Variants in MYO9A observed in about 807,000 individuals in gnomAD.
MYO9A encodes the protein unconventional myosin-IXa.
MYO9A carries 103 observed loss-of-function variants against 293.3 expected under a neutral mutation model. The observed-to-expected ratio is 0.35, with a 90% confidence interval of 0.30 to 0.41. MYO9A has a LOEUF of 0.41. MYO9A is among the 10% of genes least tolerant of loss of function. MYO9A has a pLI of 1.00. For missense variants in MYO9A, 2,685 were observed against 3,033.0 expected (o/e 0.89, Z 2.69); for synonymous variants, 1,001 against 1,035.7 (o/e 0.97, Z 0.64).
intron 11 of MYO9A, among the ~76,000 whole-genome samples, chr15:71,984,951 ACT>A (rs2076371454): frequency 6.6e-6 from 1 of 151,908 alleles, no homozygotes. Context: ...ACGCAATCTC[ACT>A]CTGTCACTCA....
chr15:71,985,645 A>C (rs2076390127), intron 11 of MYO9A, among the ~76,000 whole-genome samples: 2 of 152,208 alleles, frequency 1.3e-5, no homozygotes, highest in African/African-American at 2.4e-5. Flanking sequence ...AATCAGAAAC[A>C]CTACAAAAAT....
At position 71,996,470 on chromosome 15, in the gene MYO9A, C is replaced by T. The variant is rs551426052; in HGVS notation, c.1471-1885G>A. 2.6e-5 allele frequency among the ~76,000 whole-genome samples: 4 copies of T among 152,262 alleles called. No individual in the cohort carries two copies. The East Asian group carries it at 7.7e-4, about 29-fold the overall frequency. ...ACTTTCAGCCCTTTTCTCTGAAATGCATGTCTGTCTTTCATAGCTTAACCT... is the reference window on the plus strand; with the variant it reads ...ACTTTCAGCCCTTTTCTCTGAAATGTATGTCTGTCTTTCATAGCTTAACCT... On this transcript the variant is annotated intron_variant, in intron 9 of 41. Coordinates refer to ENST00000356056, the MANE Select transcript of MYO9A (RefSeq NM_006901.4).
At chr15:72,107,099 GGAA>G (rs757214460) in intron 1 of MYO9A, among the ~76,000 whole-genome samples, 16 of 152,138 alleles carry the variant, frequency 1.1e-4, no homozygotes, top group Non-Finnish European at 2.2e-4. Context: ...AGGAGGAGGA[GGAA>G]GAAGAGTAGG....
At chr15:71,879,662 C>A (rs984712755) in intron 30 of MYO9A, 59 bp downstream of exon 30, 17 of 1,233,300 alleles carry the variant, frequency 1.4e-5, no homozygotes, top group Non-Finnish European at 2.0e-5. Context: ...TCTTCTACAG[C>A]GCTATCAAAT....
At chr15:72,012,303 A>T (rs1259542420) in intron 6 of MYO9A, among the ~76,000 whole-genome samples, 2 of 151,358 alleles carry the variant, frequency 1.3e-5, no homozygotes, top group African/African-American at 4.9e-5. Flanking sequence ...CATTAAAATA[A>T]TTTTTTTTTG....
intron 18 of MYO9A, among the ~76,000 whole-genome samples, chr15:71,928,912 A>AC (rs1355588956): frequency 3.0e-4 from 46 of 151,332 alleles, no homozygotes; most frequent in Non-Finnish European, 6.2e-4. Flanking sequence ...AGAAAAAAAA[A>AC]AAAAATTTAA....
intron 1 of MYO9A, among the ~76,000 whole-genome samples, chr15:72,060,902 C>A (rs1403945652): frequency 6.6e-6 from 1 of 152,164 alleles, no homozygotes; most frequent in Non-Finnish European, 1.5e-5. Context: ...CAGCACCAGG[C>A]AGCACAGCTT....
chr15:72,089,582 C>A (rs977543450), intron 1 of MYO9A, among the ~76,000 whole-genome samples: 3 of 151,970 alleles, frequency 2.0e-5, no homozygotes, highest in Admixed American at 6.5e-5. Context: ...GAGTTCGAGA[C>A]CAGTCTGGGC....
intron 28 of MYO9A, 28 bp from the exon 29 acceptor site, chr15:71,880,586 G>A: frequency 1.3e-6 from 2 of 1,567,504 alleles, no homozygotes; most frequent in African/African-American, 1.4e-5. Flanking sequence ...AGACCCAAAA[G>A]GACACATTTA....
intron 14 of MYO9A, among the ~76,000 whole-genome samples, chr15:71,954,731 T>C (rs1456555531): frequency 1.3e-5 from 2 of 152,202 alleles, no homozygotes; most frequent in South Asian, 2.1e-4. Flanking sequence ...CCTCATTTTT[T>C]CTTATGCAGG....
intron 32 of MYO9A, among the ~76,000 whole-genome samples, chr15:71,866,604 A>T (rs996830622): frequency 6.6e-6 from 1 of 152,182 alleles, no homozygotes; most frequent in East Asian, 1.9e-4. Context: ...TCAGAAGAAA[A>T]GATTCAAAAT....
intron 5 of MYO9A, 117 bp downstream of exon 5, chr15:72,020,801 T>C: frequency 2.0e-6 from 1 of 502,098 alleles, no homozygotes; most frequent in East Asian, 3.5e-5. Flanking sequence ...AGAGTACATA[T>C]ATGAAAATGC....
intron 19 of MYO9A, among the ~76,000 whole-genome samples, chr15:71,912,175 T>C (rs1428553306): frequency 6.6e-6 from 1 of 152,210 alleles, no homozygotes; most frequent in African/African-American, 2.4e-5. Flanking sequence ...TGTTTTGTGA[T>C]ACTTTTATTA....
intron 14 of MYO9A, chr15:71,959,114 G>A (rs1424127900): frequency 6.6e-6 from 1 of 152,120 alleles, no homozygotes; most frequent in African/African-American, 2.4e-5. Flanking sequence ...AAAAGGCAAA[G>A]CAGGTTTGAG....
At chr15:72,026,293 A>AAAAG (rs1469982578) in intron 4 of MYO9A, among the ~76,000 whole-genome samples, 1 of 124,744 alleles carries the variant, frequency 8.0e-6, no homozygotes, top group African/African-American at 3.0e-5. Context: ...AAAAAAAAAA[A>AAAAG]AAAGAAAGAA....
chr15:72,000,110 TG>T (rs1349227013), intron 8 of MYO9A, among the ~76,000 whole-genome samples, 170 bp from the exon 9 acceptor site: 1 of 152,214 alleles, frequency 6.6e-6, no homozygotes, highest in Non-Finnish European at 1.5e-5. Flanking sequence ...GGAATTTAAG[TG>T]TCCCACTCAA....
intron 39 of MYO9A, among the ~76,000 whole-genome samples, chr15:71,831,925 A>C (rs564102185): frequency 2.0e-5 from 3 of 152,322 alleles, no homozygotes; most frequent in African/African-American, 7.2e-5. Context: ...AATTAGGTCA[A>C]AAGAAAAATC....
chr15:72,008,994 C>T (rs1244970245), intron 7 of MYO9A, among the ~76,000 whole-genome samples: 1 of 152,168 alleles, frequency 6.6e-6, no homozygotes, highest in Non-Finnish European at 1.5e-5. Context: ...GAATCACCAT[C>T]TAACTTATAA....
chr15:72,105,075 C>T (rs2080520486), intron 1 of MYO9A, among the ~76,000 whole-genome samples: 2 of 151,958 alleles, frequency 1.3e-5, no homozygotes, highest in Non-Finnish European at 2.9e-5. Flanking sequence ...AGGTACCATA[C>T]CAAAATATAT....
Sources: allele counts gnomAD v4.1 joint callset (sites outside exome capture counted in the v4.1 genomes callset), GRCh38; gene constraint gnomAD v4.1.1; transcripts MANE v1.5; gene names NCBI Gene and HGNC (gene_info 2026-07-23, HGNC 2026-07-21).